Variants in WDR20 observed in about 807,000 individuals in gnomAD.
WDR20 encodes WD repeat domain 20.
A neutral mutation model predicts 38.7 loss-of-function variants in WDR20; 3 were observed. The ratio of observed to expected loss-of-function variants is 0.08; its 90% CI spans 0.04 to 0.20. WDR20 has a LOEUF of 0.20. Among genes scored for constraint, WDR20 ranks in the 10% least tolerant of loss-of-function variants. WDR20 has a pLI of 1.00. For synonymous variants in WDR20, 298 were observed against 285.6 expected (o/e 1.04, Z -0.44); for missense variants, 559 against 727.7 (o/e 0.77, Z 2.67).
chr14:102,161,153 T>A (rs1221524757), intron 1 of WDR20, among the ~76,000 whole-genome samples: 1 of 69,478 alleles, frequency 1.4e-5, no homozygotes, highest in Non-Finnish European at 2.9e-5. Flanking sequence ...TTTTTTTTTT[T>A]TTTTTTTTTT....
chr14:102,147,792 A>C (rs2054198494), intron 1 of WDR20, among the ~76,000 whole-genome samples: 1 of 152,188 alleles, frequency 6.6e-6, no homozygotes, highest in Admixed American at 6.5e-5. Flanking sequence ...GTGCAATGGC[A>C]TGATCTTGGT....
chr14:102,191,125 C>G (rs1250862925), intron 1 of WDR20: 2 of 152,230 alleles, frequency 1.3e-5, no homozygotes, highest in Non-Finnish European at 2.9e-5. Flanking sequence ...TTATCTGCAG[C>G]CTTCACCATT....
chr14:102,219,870 C>T (rs1053997422), downstream of WDR20, among the ~76,000 whole-genome samples: 8 of 152,336 alleles, frequency 5.3e-5, no homozygotes, highest in African/African-American at 1.9e-4. Flanking sequence ...GGTTTGAGGG[C>T]GGTTGATTCA....
downstream of WDR20, among the ~76,000 whole-genome samples, chr14:102,223,890 C>T (rs531249174): frequency 2.0e-3 from 306 of 152,316 alleles, 2 homozygotes; most frequent in African/African-American, 6.6e-3. Context: ...TGGGCAGCTG[C>T]ACGTCTGCAC....
At chr14:102,199,330 G>A (rs1237661701) in intron 2 of WDR20, among the ~76,000 whole-genome samples, 2 of 151,968 alleles carry the variant, frequency 1.3e-5, no homozygotes, top group East Asian at 1.9e-4. Context: ...CCTGAAGAGC[G>A]AGCCTTGGTG....
At chr14:102,202,623 G>T (rs531220938) in intron 2 of WDR20, among the ~76,000 whole-genome samples, 1 of 151,860 alleles carries the variant, frequency 6.6e-6, no homozygotes, top group South Asian at 2.1e-4. Flanking sequence ...CTCGTGATCC[G>T]CCCGCCTTGG....
chr14:102,159,458 A>G (rs570497707), intron 1 of WDR20, among the ~76,000 whole-genome samples: 37 of 152,286 alleles, frequency 2.4e-4, no homozygotes, highest in African/African-American at 8.9e-4. Context: ...TTCTAAGACA[A>G]TCCTCAAGTG....
At chr14:102,203,736 C>G (rs564450507) in intron 2 of WDR20, among the ~76,000 whole-genome samples, 7 of 152,144 alleles carry the variant, frequency 4.6e-5, no homozygotes, top group Non-Finnish European at 1.0e-4. Context: ...TCAACATCCT[C>G]ATCCAGATCA....
At chr14:102,165,103 C>T (rs2059497234) in intron 1 of WDR20, among the ~76,000 whole-genome samples, 1 of 152,102 alleles carries the variant, frequency 6.6e-6, no homozygotes, top group African/African-American at 2.4e-5. Flanking sequence ...CTTTCTGGAC[C>T]ACCTGTTTCC....
downstream of WDR20, among the ~76,000 whole-genome samples, chr14:102,216,487 C>T (rs142963115): frequency 6.6e-6 from 1 of 152,294 alleles, no homozygotes; most frequent in East Asian, 1.9e-4. Flanking sequence ...TCTGTAGGTA[C>T]AGGGTCTTGC....
intron 1 of WDR20, among the ~76,000 whole-genome samples, chr14:102,190,579 G>A (rs1330516183): frequency 6.6e-6 from 1 of 152,042 alleles, no homozygotes. Flanking sequence ...GGCAACAAGA[G>A]GGAAATTCTG....
chr14:102,179,614 T>A (rs1409269415), intron 1 of WDR20, among the ~76,000 whole-genome samples: 1 of 152,026 alleles, frequency 6.6e-6, no homozygotes, highest in Non-Finnish European at 1.5e-5. Flanking sequence ...TTATGCTACA[T>A]CAAGTACAGT....
At chr14:102,213,931 C>T, downstream of WDR20, 1 of 985,460 alleles carries the variant, frequency 1.0e-6, no homozygotes, top group Non-Finnish European at 1.2e-6. Flanking sequence ...AAGCAGTTCA[C>T]CAGTGGATTT....
chr14:102,192,743 C>A (rs998522508), intron 1 of WDR20, among the ~76,000 whole-genome samples: 1 of 152,044 alleles, frequency 6.6e-6, no homozygotes, highest in Non-Finnish European at 1.5e-5. Context: ...TAATTTCTGG[C>A]CAGCCTTTAA....
chr14:102,181,810 C>T (rs895495808), intron 1 of WDR20, among the ~76,000 whole-genome samples: 12 of 151,792 alleles, frequency 7.9e-5, no homozygotes, highest in African/African-American at 2.4e-4. Flanking sequence ...TGTTGACAAG[C>T]GTTAAGTTTT....
At chr14:102,224,519 T>G (rs1322858562), downstream of WDR20, 1 of 450,272 alleles carries the variant, frequency 2.2e-6, no homozygotes, top group African/African-American at 2.0e-5. Flanking sequence ...AGCTTTATTT[T>G]GTGAGACTTT....
At chr14:102,150,861 T>C (rs1318728420) in intron 1 of WDR20, among the ~76,000 whole-genome samples, 1 of 152,198 alleles carries the variant, frequency 6.6e-6, no homozygotes, top group Admixed American at 6.6e-5. Context: ...GTGCCTGCTC[T>C]ATATTGTTAA....
intron 1 of WDR20, among the ~76,000 whole-genome samples, chr14:102,176,382 G>A (rs1050796129): frequency 2.0e-5 from 3 of 149,052 alleles, no homozygotes; most frequent in Admixed American, 6.7e-5. Flanking sequence ...GCGACAGAGC[G>A]AGACTCCATC....
At chr14:102,152,418 C>T (rs1018228951) in intron 1 of WDR20, among the ~76,000 whole-genome samples, 1 of 77,264 alleles carries the variant, frequency 1.3e-5, no homozygotes, top group Non-Finnish European at 3.8e-5. Flanking sequence ...TGCAGGGTCT[C>T]TCTTTTTTTT....
Sources: gnomAD v4.1 joint callset for allele counts (sites outside exome capture counted in the v4.1 genomes callset) on GRCh38, gnomAD v4.1.1 for gene constraint, MANE v1.5 for transcripts, NCBI Gene and HGNC (gene_info 2026-07-23, HGNC 2026-07-21) for gene names.